The following PPM1H variants were observed in gnomAD, a reference collection of about 807,000 sequenced individuals.
PPM1H encodes the protein protein phosphatase, Mg2+/Mn2+ dependent 1H.
A neutral mutation model predicts 54.9 loss-of-function variants in PPM1H; 27 were observed. The ratio of observed to expected loss-of-function variants is 0.49; its 90% CI spans 0.36 to 0.68. The LOEUF is 0.68. Among genes scored for constraint, PPM1H ranks in the 30% least tolerant of loss-of-function variants. The pLI is 0.00. For synonymous variants in PPM1H, 305 were observed against 270.8 expected, an observed-to-expected ratio of 1.13 and a Z score of -1.24; for missense variants, 596 against 667.8, an observed-to-expected ratio of 0.89 and a Z score of 1.19.
chr12:62,832,924 CA>C (rs1406631279), intron 1 of PPM1H, among the ~76,000 whole-genome samples: 2 of 152,134 alleles, frequency 1.3e-5, no homozygotes, highest in African/African-American at 4.8e-5. Context: ...CACCAAGACA[CA>C]TAATAATAAG....
intron 1 of PPM1H, among the ~76,000 whole-genome samples, chr12:62,880,325 T>C (rs1870346219): frequency 6.6e-6 from 1 of 152,188 alleles, no homozygotes; most frequent in Admixed American, 6.5e-5. Context: ...TGGGGCAGGG[T>C]ATTAGGTGCC....
chr12:62,689,598 T>C (rs138787943), intron 8 of PPM1H, 101 bp downstream of exon 8: 51 of 777,514 alleles, frequency 6.6e-5, no homozygotes, highest in African/African-American at 5.5e-4. Flanking sequence ...GTACATATAA[T>C]ACAAGTTGGC....
chr12:62,698,134 G>A (rs901671699), intron 6 of PPM1H, among the ~76,000 whole-genome samples: 6 of 151,768 alleles, frequency 4.0e-5, no homozygotes, highest in African/African-American at 1.2e-4. Context: ...TGGACTTCCT[G>A]GAAGGAGCAG....
chr12:62,932,955 GTTT>G (rs57937766), intron 1 of PPM1H, among the ~76,000 whole-genome samples: 23,470 of 151,970 alleles, frequency 0.15, 1,979 homozygotes, highest in Non-Finnish European at 0.19. Context: ...TTTAAATAAC[GTTT>G]TTATTTCAGT....
At chr12:62,690,011 T>C (rs1295467435) in intron 7 of PPM1H, among the ~76,000 whole-genome samples, 1 of 152,218 alleles carries the variant, frequency 6.6e-6, no homozygotes, top group Non-Finnish European at 1.5e-5. Context: ...TGAGGAGTGC[T>C]TTTTCTATCC....
chr12:62,773,404 G>A (rs2076590422), intron 4 of PPM1H, among the ~76,000 whole-genome samples: 2 of 152,266 alleles, frequency 1.3e-5, no homozygotes, highest in African/African-American at 4.8e-5. Flanking sequence ...GAACTTGGGA[G>A]GTCAAGGCTG....
intron 6 of PPM1H, among the ~76,000 whole-genome samples, chr12:62,704,746 G>A (rs1257986788): frequency 6.6e-6 from 1 of 152,156 alleles, no homozygotes; most frequent in Non-Finnish European, 1.5e-5. Flanking sequence ...CACAAGAAAG[G>A]CTGCTGGCTT....
intron 2 of PPM1H, among the ~76,000 whole-genome samples, chr12:62,819,995 G>C (rs1376113562): frequency 6.6e-6 from 1 of 152,224 alleles, no homozygotes; most frequent in Non-Finnish European, 1.5e-5. Flanking sequence ...GGAAGCGCAA[G>C]GGGTCGGGGA....
chr12:62,753,126 A>G (rs2076451179), intron 4 of PPM1H, among the ~76,000 whole-genome samples: 1 of 152,254 alleles, frequency 6.6e-6, no homozygotes, highest in African/African-American at 2.4e-5. Flanking sequence ...ATGCATACAG[A>G]AAAAGGGGAG....
intron 4 of PPM1H, among the ~76,000 whole-genome samples, chr12:62,751,986 T>C (rs529129923): frequency 6.6e-6 from 1 of 152,326 alleles, no homozygotes; most frequent in Non-Finnish European, 1.5e-5. Context: ...GTCAGTTCCT[T>C]ACAAGCAAAG....
At position 62,751,575 on chromosome 12, in the gene PPM1H, C is replaced by T. The variant is rs115182916; in HGVS notation, c.870-13989G>A. Among the ~76,000 whole-genome samples the T allele has an allele frequency of 6.2e-3, 940 of 152,314 alleles. 12 individuals are homozygous for T. Among genetic ancestry groups the T allele is most frequent in the African/African-American group, 0.022 (912 of 41,568 alleles). On this transcript the variant is annotated intron_variant, in intron 4 of 9. Transcript: ENST00000228705. ...ATTTCTTGATCTTCACATTATACAT[C>T]TGACGAAAGCTCATGGATCTCCATC...
At position 62,866,386 on chromosome 12, in the gene PPM1H, T is replaced by C. The variant is rs552614866; in HGVS notation, c.246-34107A>G. 2.1e-4 allele frequency among the ~76,000 whole-genome samples: 32 copies of C among 152,278 alleles called. No individual in the cohort carries two copies. In the South Asian group the frequency reaches 6.6e-3, roughly 32 times the overall value. ...CTTCAAAAAGTGAAGCCTAATTCCC[T>C]CCCTCCTAAGTGTGGGCAAGACTTA... is the stretch of plus-strand genomic sequence containing the variant. On this transcript the variant is annotated intron_variant, in intron 1 of 9. Coordinates refer to ENST00000228705, the MANE Select transcript of PPM1H (RefSeq NM_020700.2).
intron 9 of PPM1H, among the ~76,000 whole-genome samples, chr12:62,650,418 G>T (rs551180321): frequency 6.6e-6 from 1 of 152,148 alleles, no homozygotes; most frequent in South Asian, 2.1e-4. Flanking sequence ...CAAACAGTTC[G>T]TCCTGAGGTT....
At chr12:62,900,985 T>G (rs1871151665) in intron 1 of PPM1H, among the ~76,000 whole-genome samples, 1 of 152,216 alleles carries the variant, frequency 6.6e-6, no homozygotes, top group South Asian at 2.1e-4. Flanking sequence ...CTAAACTCTC[T>G]GGTCTTTCCC....
chr12:62,831,071 T>A (rs1868350670), intron 2 of PPM1H, among the ~76,000 whole-genome samples: 1 of 152,132 alleles, frequency 6.6e-6, no homozygotes, highest in South Asian at 2.1e-4. Flanking sequence ...GCCAGGATGG[T>A]CTGGATCTCC....
At chr12:62,930,007 A>G (rs1411640329) in intron 1 of PPM1H, among the ~76,000 whole-genome samples, 1 of 152,142 alleles carries the variant, frequency 6.6e-6, no homozygotes. Context: ...TGCCAGGAAA[A>G]GTTAGAAGGG....
intron 1 of PPM1H, among the ~76,000 whole-genome samples, chr12:62,863,218 G>A (rs1869663261): frequency 1.3e-5 from 2 of 151,872 alleles, no homozygotes; most frequent in South Asian, 4.2e-4. Flanking sequence ...TGTAGAGATG[G>A]GGGTCTCACC....
intron 1 of PPM1H, among the ~76,000 whole-genome samples, chr12:62,891,779 C>T (rs1870805886): frequency 6.6e-6 from 1 of 152,198 alleles, no homozygotes; most frequent in Non-Finnish European, 1.5e-5. Context: ...CTATACTCTT[C>T]AGTGAATATA....
At chr12:62,700,922 ATT>A (rs1047693119) in intron 6 of PPM1H, among the ~76,000 whole-genome samples, 1 of 151,756 alleles carries the variant, frequency 6.6e-6, no homozygotes, top group South Asian at 2.1e-4. Context: ...TTCCTGCTTT[ATT>A]TTTTTTCCAT....
Sources: gnomAD v4.1 joint callset for allele counts (sites outside exome capture counted in the v4.1 genomes callset) on GRCh38, gnomAD v4.1.1 for gene constraint, MANE v1.5 for transcripts, NCBI Gene and HGNC (gene_info 2026-07-23, HGNC 2026-07-21) for gene names.